The following GABRA1 variants were observed in gnomAD, a reference collection of about 807,000 sequenced individuals.
GABRA1 encodes the protein gamma-aminobutyric acid receptor subunit alpha-1.
In GABRA1, 9 loss-of-function variants were observed where a neutral mutation model predicts 48.9. The observed-to-expected ratio is 0.18, with a 90% confidence interval of 0.11 to 0.32. The LOEUF (loss-of-function observed/expected upper bound fraction) is 0.32. Among genes scored for constraint, GABRA1 ranks in the 10% least tolerant of loss-of-function variants. The pLI is 1.00. For missense variants in GABRA1, 285 were observed against 553.8 expected, an observed-to-expected ratio of 0.51 and a Z score of 4.87; for synonymous variants, 210 against 198.7, an observed-to-expected ratio of 1.06 and a Z score of -0.48.
chr5:161,896,014 T>G (rs1755351870), intron 9 of GABRA1, 146 bp downstream of exon 9: 2 of 733,836 alleles, frequency 2.7e-6, no homozygotes, highest in Admixed American at 2.1e-5. Flanking sequence ...TTAAGTGCCA[T>G]GATAATTTTG....
In GABRA1 at chr5:161,895,852, G is replaced by A; in HGVS notation, c.1043G>A (p.Ser348Asn). ...AGAGGTTATGCATGGGATGGCAAAA[G>A]TGTGGTTCCAGAAAAGGTAAATGCT... ...TKRGYAWDGK[S>N]VVPEKPKKVK... is the part of the protein sequence containing the mutation. Residue 348 changes from serine (S) to asparagine (N), a missense_variant, in exon 9 of 10, where the codon AGT (serine) becomes AAT (asparagine). This residue lies in a region of GABRA1 where 99 missense variants were observed against 94.2 expected (regional missense o/e 1.05). Coordinates refer to ENST00000393943, the MANE Select transcript of GABRA1 (RefSeq NM_001127644.2). 1 of 1,613,858 alleles carries A rather than the reference G, an allele frequency of 6.2e-7. No homozygotes were observed. Among genetic ancestry groups the A allele is most frequent in the Non-Finnish European group, 8.5e-7 (1 of 1,179,782 alleles).
In GABRA1 at chr5:161,897,335, G is replaced by A. The variant is rs74873701; in HGVS notation, c.1284G>A (p.Pro428=). ...KIDRLSRIAF[P]LLFGIFNLVY... Reference sequence around the variant, plus strand: ...ACCGACTGTCAAGAATAGCCTTCCCGCTGCTATTTGGAATCTTTAACTTAG... The same window carrying A: ...ACCGACTGTCAAGAATAGCCTTCCCACTGCTATTTGGAATCTTTAACTTAG... Residue 428 remains proline (P), a synonymous_variant, in exon 10 of 10, where the codon CCG becomes CCA. Transcript: ENST00000393943. The A allele has an allele frequency of 7.9e-5, 128 of 1,614,046 alleles. No homozygotes were observed. Among genetic ancestry groups the A allele is most frequent in the East Asian group, 1.6e-4 (7 of 44,882 alleles).
At chr5:161,894,376 G>T (rs1471015213) in intron 8 of GABRA1, among the ~76,000 whole-genome samples, 2 of 152,100 alleles carry the variant, frequency 1.3e-5, no homozygotes, top group East Asian at 1.9e-4. Context: ...AAATTCAGGA[G>T]CCTGAATTTA....
intron 3 of GABRA1, among the ~76,000 whole-genome samples, chr5:161,864,664 C>T (rs1305233422): frequency 2.6e-5 from 4 of 151,934 alleles, no homozygotes; most frequent in East Asian, 1.9e-4. Context: ...TTAAGATACT[C>T]TTGGGAAATA....
intron 6 of GABRA1, among the ~76,000 whole-genome samples, chr5:161,880,813 T>A (rs1323695869): frequency 6.6e-6 from 1 of 152,136 alleles, no homozygotes; most frequent in Non-Finnish European, 1.5e-5. Flanking sequence ...ACAGCCTTAT[T>A]TTCATGTAAA....
At chr5:161,886,334 T>C (rs1029814408) in intron 7 of GABRA1, among the ~76,000 whole-genome samples, 2 of 132,818 alleles carry the variant, frequency 1.5e-5, no homozygotes, top group Non-Finnish European at 3.2e-5. Context: ...TTGACAAGTG[T>C]TTTAATTTTT....
chr5:161,861,182 GA>G (rs1257538702), intron 3 of GABRA1, among the ~76,000 whole-genome samples: 1 of 151,658 alleles, frequency 6.6e-6, no homozygotes, highest in Non-Finnish European at 1.5e-5. Context: ...GGGTGCCTGA[GA>G]GTTATCACAG....
intron 7 of GABRA1, among the ~76,000 whole-genome samples, chr5:161,887,762 A>C (rs1407330467): frequency 1.3e-5 from 2 of 152,142 alleles, no homozygotes; most frequent in African/African-American, 4.8e-5. Context: ...TAGAGAGAGA[A>C]TGCATGTCTG....
At chr5:161,860,047 A>G (rs1302979778) in intron 3 of GABRA1, among the ~76,000 whole-genome samples, 1 of 151,902 alleles carries the variant, frequency 6.6e-6, no homozygotes, top group East Asian at 1.9e-4. Context: ...CCACAGAAAT[A>G]CTGTACCTAG....
chr5:161,857,744 C>G (rs1430129678), intron 3 of GABRA1, among the ~76,000 whole-genome samples: 1 of 151,486 alleles, frequency 6.6e-6, no homozygotes, highest in Non-Finnish European at 1.5e-5. Context: ...TTTAAATAGA[C>G]TTGAGTTAAA....
Position 161,897,205 on chromosome 5 carries a change from G to T in GABRA1, c.1154G>T (p.Gly385Val). ...YTPNLARGDP[G>V]LATIAKSATI... ...CCTAATTTGGCCAGGGGCGACCCGG[G>T]CTTAGCCACCATTGCTAAAAGTGCA... Residue 385 changes from glycine to valine, a missense_variant, in exon 10 of 10, where the codon GGC becomes GTC. Physicochemically the swap from Gly to Val is moderately radical, Grantham distance 109. This residue lies in a region of GABRA1 where 99 missense variants were observed against 94.2 expected (regional missense o/e 1.05). Transcript: ENST00000393943. 1 of 1,614,074 alleles carries T rather than the reference G, an allele frequency of 6.2e-7. No individual in the cohort carries two copies. The highest frequency in any genetic ancestry group is 8.5e-7 in the Non-Finnish European group (1 of 1,180,004).
At chr5:161,876,765 A>G (rs917130555) in intron 6 of GABRA1, among the ~76,000 whole-genome samples, 2 of 152,166 alleles carry the variant, frequency 1.3e-5, no homozygotes, top group Non-Finnish European at 2.9e-5. Context: ...CTCCTGAATA[A>G]CAGATCCATT....
chr5:161,848,854 T>G, intron 1 of GABRA1: 1 of 406,918 alleles, frequency 2.5e-6, no homozygotes, highest in Non-Finnish European at 4.9e-6. Context: ...GTTAAGACGC[T>G]GGGACGGAAA....
chr5:161,867,867 T>G (rs897143873), intron 4 of GABRA1, among the ~76,000 whole-genome samples: 4 of 152,150 alleles, frequency 2.6e-5, no homozygotes, highest in Non-Finnish European at 5.9e-5. Context: ...GCCACATATA[T>G]AGCACTGCTT....
Position 161,897,484 on chromosome 5 carries a change from G to T in GABRA1, c.*62G>T. On this transcript the variant is annotated 3_prime_UTR_variant, in exon 10 of 10. Transcript: ENST00000393943. ...CTGGGAATTTATTTATGTTCTCAAC[G>T]CAGTAATTCCCATCTGCTTTATTGC... 1 of 1,407,728 alleles carries T rather than the reference G, an allele frequency of 7.1e-7. No individual in the cohort carries two copies. Among genetic ancestry groups the T allele is most frequent in the Non-Finnish European group, 1.0e-6 (1 of 996,720 alleles). 87.2% of individuals were successfully genotyped at this position (1,407,728 alleles called of 1,614,324 possible).
chr5:161,866,630 T>C lies in GABRA1; in HGVS notation c.255+842T>C, dbSNP rs533097771. Among the ~76,000 whole-genome samples the C allele has an allele frequency of 1.2e-3, 180 of 152,256 alleles. 1 individual carries two copies. The highest frequency in any genetic ancestry group is 4.4e-3 in the Admixed American group (67 of 15,270). Reference sequence around the variant, plus strand: ...GTCAGAATAAAACTTACAGAAACTATGAATGGCAGAGTAAAAGCCCTGACA... The same window carrying C: ...GTCAGAATAAAACTTACAGAAACTACGAATGGCAGAGTAAAAGCCCTGACA... On this transcript the variant is annotated intron_variant, in intron 4 of 9. Transcript: ENST00000393943.
upstream of GABRA1, chr5:161,847,414 AAC>A (rs1196904230): frequency 2.6e-5 from 4 of 152,210 alleles, no homozygotes; most frequent in Non-Finnish European, 2.9e-5. Context: ...ATTCAGAGGT[AAC>A]AGCGCCTGCG....
At chr5:161,874,961 C>A (rs1164669863) in intron 5 of GABRA1, among the ~76,000 whole-genome samples, 1 of 151,990 alleles carries the variant, frequency 6.6e-6, no homozygotes, top group Non-Finnish European at 1.5e-5. Flanking sequence ...ACAGCAGAGT[C>A]CTAGCTTCAA....
chr5:161,860,288 T>C (rs1014534695), intron 3 of GABRA1, among the ~76,000 whole-genome samples: 8 of 151,842 alleles, frequency 5.3e-5, no homozygotes, highest in African/African-American at 1.9e-4. Context: ...ATCTACCTGA[T>C]CAGTGCCAAT....
Sources: allele counts gnomAD v4.1 joint callset (sites outside exome capture counted in the v4.1 genomes callset), GRCh38; gene constraint gnomAD v4.1.1; regional missense constraint gnomAD v4.1.1; transcripts MANE v1.5; gene names NCBI Gene and HGNC (gene_info 2026-07-23, HGNC 2026-07-21).